ATF7IP2: variants seen among roughly 807,000 people sequenced by gnomAD.
The protein encoded by ATF7IP2 is activating transcription factor 7 interacting protein 2.
In ATF7IP2, 42 loss-of-function variants were observed where a neutral mutation model predicts 64.2. That is an observed-to-expected ratio of 0.65 (90% CI 0.51 to 0.85). The LOEUF (loss-of-function observed/expected upper bound fraction) is 0.85, where lower values mean the gene tolerates loss of function less well. Ranked by LOEUF, ATF7IP2 falls within the 40% of genes least tolerant of loss-of-function variation. The probability of loss-of-function intolerance (pLI) is 0.00; values close to 1 mark genes in which losing one functional copy is unlikely to be tolerated. For missense variants in ATF7IP2, 933 were observed against 784.2 expected (o/e 1.19, Z -2.27); for synonymous variants, 308 against 272.8 (o/e 1.13, Z -1.27).
intron 1 of ATF7IP2, among the ~76,000 whole-genome samples, chr16:10,410,816 T>A (rs1237129689): frequency 6.6e-6 from 1 of 152,232 alleles, no homozygotes; most frequent in Admixed American, 6.5e-5. Flanking sequence ...GTTTTCAACT[T>A]TTCCCCATTT....
intron 2 of ATF7IP2, among the ~76,000 whole-genome samples, chr16:10,414,995 A>C (rs1287067349): frequency 1.3e-5 from 2 of 152,214 alleles, no homozygotes; most frequent in Non-Finnish European, 2.9e-5. Flanking sequence ...AAAAAATTAA[A>C]AGATACTTCA....
At chr16:10,414,325 G>A (rs1243323202) in intron 1 of ATF7IP2, among the ~76,000 whole-genome samples, 10 of 151,696 alleles carry the variant, frequency 6.6e-5, no homozygotes, top group African/African-American at 2.4e-4. Context: ...AAAAAGCCTT[G>A]TCAAGCTCTA....
At chr16:10,400,961 C>G (rs2047520505) in intron 1 of ATF7IP2, among the ~76,000 whole-genome samples, 1 of 152,104 alleles carries the variant, frequency 6.6e-6, no homozygotes, top group South Asian at 2.1e-4. Flanking sequence ...CTCAGCCTCC[C>G]AAAGTGCTGG....
At chr16:10,460,162 G>A (rs2142021542) in intron 9 of ATF7IP2, among the ~76,000 whole-genome samples, 1 of 152,146 alleles carries the variant, frequency 6.6e-6, no homozygotes, top group East Asian at 1.9e-4. Flanking sequence ...TAAAATTTTG[G>A]AAAAGCTGTA....
At chr16:10,478,527 G>A (rs1012196444) in intron 12 of ATF7IP2, among the ~76,000 whole-genome samples, 35 of 152,212 alleles carry the variant, frequency 2.3e-4, no homozygotes, top group African/African-American at 4.6e-4. Flanking sequence ...AGACTTAAAC[G>A]TTAGACCTAA....
chr16:10,457,590 C>A, intron 9 of ATF7IP2, 61 bp downstream of exon 9: 2 of 1,260,712 alleles, frequency 1.6e-6, no homozygotes, highest in South Asian at 1.7e-5. Flanking sequence ...ATTTTTTCTT[C>A]ATCACAGTTT....
intron 1 of ATF7IP2, among the ~76,000 whole-genome samples, chr16:10,403,053 A>G (rs1031903283): frequency 1.3e-5 from 2 of 152,156 alleles, no homozygotes; most frequent in Non-Finnish European, 2.9e-5. Flanking sequence ...TCAGTCCAAT[A>G]TTTGATTTTT....
chr16:10,424,971 A>C (rs1245539197), intron 3 of ATF7IP2, among the ~76,000 whole-genome samples: 1 of 152,160 alleles, frequency 6.6e-6, no homozygotes, highest in Non-Finnish European at 1.5e-5. Flanking sequence ...ATGACCAAAT[A>C]ATTCTACTGC....
chr16:10,427,675 G>A (rs2048112029), intron 3 of ATF7IP2, among the ~76,000 whole-genome samples: 1 of 152,078 alleles, frequency 6.6e-6, no homozygotes, highest in Non-Finnish European at 1.5e-5. Context: ...GGGCAACATA[G>A]TAAGACCCAA....
rs60360091 is a variant in ATF7IP2, at chr16:10,426,102, G to A, written c.-159-2766G>A. 2.5e-4 allele frequency among the ~76,000 whole-genome samples: 38 copies of A among 152,240 alleles called. No individual in the cohort carries two copies. The East Asian group carries it at 6.7e-3, about 27-fold the overall frequency. On this transcript the variant is annotated intron_variant, in intron 3 of 13. Coordinates refer to ENST00000562102, the MANE Select transcript of ATF7IP2 (RefSeq NM_001393719.1). ...TATGTGCTAAAATAAATTCTAGATGGATTAAGGACTTAAATTATAAATGAC... is the reference window on the plus strand; with the variant it reads ...TATGTGCTAAAATAAATTCTAGATGAATTAAGGACTTAAATTATAAATGAC...
chr16:10,455,863 G>A (rs968748364), intron 8 of ATF7IP2, among the ~76,000 whole-genome samples: 4 of 152,208 alleles, frequency 2.6e-5, no homozygotes, highest in Admixed American at 6.5e-5. Flanking sequence ...GGAAACAGGA[G>A]GAAAGGGGAT....
chr16:10,465,681 G>A (rs935624978), intron 9 of ATF7IP2, among the ~76,000 whole-genome samples: 11 of 148,690 alleles, frequency 7.4e-5, no homozygotes, highest in South Asian at 2.2e-4. Context: ...GGAGGTTGGC[G>A]TCATCCGAGA....
intron 9 of ATF7IP2, among the ~76,000 whole-genome samples, chr16:10,466,398 T>C (rs1296883009): frequency 6.6e-6 from 1 of 152,180 alleles, no homozygotes; most frequent in Non-Finnish European, 1.5e-5. Flanking sequence ...TGCCTAGAAG[T>C]GGAATTGCTA....
At chr16:10,401,295 G>A (rs2047530020) in intron 1 of ATF7IP2, among the ~76,000 whole-genome samples, 1 of 152,004 alleles carries the variant, frequency 6.6e-6, no homozygotes, top group South Asian at 2.1e-4. Context: ...AGCATCCCGA[G>A]TACCTGGGAT....
chr16:10,418,460 G>A lies in ATF7IP2; in HGVS notation c.-202-1121G>A, dbSNP rs142564897. Among the ~76,000 whole-genome samples the A allele has an allele frequency of 1.1e-3, 161 of 152,308 alleles. 1 individual carries two copies. Among genetic ancestry groups the A allele is most frequent in the African/African-American group, 3.5e-3 (146 of 41,574 alleles). Reference sequence around the variant, plus strand: ...TTTGCAAGACGATAGAAGCAAAGGCGGCTTTATCACGGTGAGCTACTTCTT... The same window carrying A: ...TTTGCAAGACGATAGAAGCAAAGGCAGCTTTATCACGGTGAGCTACTTCTT... On this transcript the variant is annotated intron_variant, in intron 2 of 13. Transcript: ENST00000562102.
intron 1 of ATF7IP2, among the ~76,000 whole-genome samples, chr16:10,411,364 T>C (rs1281634470): frequency 1.2e-5 from 1 of 85,374 alleles, no homozygotes; most frequent in Non-Finnish European, 2.2e-5. Flanking sequence ...TTTTTTTTTT[T>C]GGTGTTTTGT....
chr16:10,437,270 C>T (rs756509972), intron 6 of ATF7IP2, among the ~76,000 whole-genome samples: 6 of 152,158 alleles, frequency 3.9e-5, no homozygotes, highest in African/African-American at 1.2e-4. Context: ...CTGCCCACCT[C>T]GGCCTCCCAG....
At chr16:10,445,002 CACTATGGA>C (rs1364154309) in intron 8 of ATF7IP2, among the ~76,000 whole-genome samples, 15 of 152,302 alleles carry the variant, frequency 9.8e-5, no homozygotes, top group African/African-American at 3.6e-4. Context: ...TCAGTTTGGA[CACTATGGA>C]ATGGTCTTAG....
chr16:10,481,553 T>C (rs1028584335), intron 13 of ATF7IP2, among the ~76,000 whole-genome samples: 3 of 152,180 alleles, frequency 2.0e-5, no homozygotes, highest in African/African-American at 7.2e-5. Flanking sequence ...GCTGACACTT[T>C]TCATGTAAAT....
Sources: gnomAD v4.1 joint callset for allele counts (sites outside exome capture counted in the v4.1 genomes callset) on GRCh38, gnomAD v4.1.1 for gene constraint, MANE v1.5 for transcripts, NCBI Gene and HGNC (gene_info 2026-07-23, HGNC 2026-07-21) for gene names.